BOD1L1: variants seen among roughly 807,000 people sequenced by gnomAD.
The protein encoded by BOD1L1 is biorientation of chromosomes in cell division 1 like 1.
A neutral mutation model predicts 240.7 loss-of-function variants in BOD1L1; 86 were observed. The observed-to-expected ratio is 0.36, with a 90% CI of 0.30 to 0.43. The LOEUF is 0.43. Among genes scored for constraint, BOD1L1 ranks in the 20% least tolerant of loss-of-function variants. BOD1L1 has a pLI of 1.00. For synonymous variants in BOD1L1, 1,268 were observed against 1,272.3 expected, an observed-to-expected ratio of 1.00 and a Z score of 0.07; for missense variants, 3,554 against 3,643.5, an observed-to-expected ratio of 0.98 and a Z score of 0.63.
At chr4:13,616,822 C>A (rs1716637431) in intron 2 of BOD1L1, among the ~76,000 whole-genome samples, 1 of 151,896 alleles carries the variant, frequency 6.6e-6, no homozygotes, top group African/African-American at 2.4e-5. Flanking sequence ...AGGTTACCTG[C>A]TTTTTAAAGA....
Position 13,576,873 on chromosome 4 carries a change from G to C in BOD1L1, c.9003C>G (p.Ala3001=). The change falls in exon 25 of 26, where the codon GCC becomes GCG. Residue 3001 remains alanine, a synonymous_variant. Transcript: ENST00000040738. ...CTGATCTGGTGGTGGATCTTGTGGTGGCTCCTGAAGGCTCGTCCTCTTCCT... is the reference window on the plus strand; with the variant it reads ...CTGATCTGGTGGTGGATCTTGTGGTCGCTCCTGAAGGCTCGTCCTCTTCCT... ...EEEEEDEPSG[A]TTRSTTRSEA... 2 of 1,613,990 alleles carry C rather than the reference G, an allele frequency of 1.2e-6. No individual in the cohort carries two copies. The highest frequency in any genetic ancestry group is 1.7e-6 in the Non-Finnish European group (2 of 1,179,876).
chr4:13,614,204 G>T lies in BOD1L1; in HGVS notation c.1166C>A (p.Thr389Lys). The T allele has an allele frequency of 6.7e-7, 1 of 1,500,532 alleles. No individual in the cohort carries two copies. Among genetic ancestry groups the T allele is most frequent in the Non-Finnish European group, 8.9e-7 (1 of 1,129,256 alleles). 93.0% of individuals were successfully genotyped at this position (1,500,532 alleles called of 1,614,324 possible). The change falls in exon 4 of 26, where the codon ACA becomes AAA. Residue 389 changes from threonine (T) to lysine (K), a missense_variant. By Grantham distance (78) the Thr-to-Lys change is moderately conservative. Around this residue, in one of 2 missense-constraint regions of BOD1L1, gnomAD observed 3,393 missense variants for 3,427.1 expected, o/e 0.99. Coordinates refer to ENST00000040738, the MANE Select transcript of BOD1L1 (RefSeq NM_148894.3). Reference sequence around the variant, plus strand: ...TGCAAGTTTTTATATACCTTCTTTTGTCCCTTCAACAGTTTTAGCTTTATT... The same window carrying T: ...TGCAAGTTTTTATATACCTTCTTTTTTCCCTTCAACAGTTTTAGCTTTATT... ...NSNKAKTVEGTKEDFSLIDSD... is the reference protein window; with the variant it reads ...NSNKAKTVEGKKEDFSLIDSD...
At chr4:13,581,569 C>T (rs1713231899) in intron 19 of BOD1L1, among the ~76,000 whole-genome samples, 1 of 151,070 alleles carries the variant, frequency 6.6e-6, no homozygotes, top group African/African-American at 2.4e-5. Flanking sequence ...ATAAAGGGGT[C>T]CACTGAATAT....
intron 22 of BOD1L1, among the ~76,000 whole-genome samples, chr4:13,579,327 CA>C (rs1213175192): frequency 5.9e-5 from 9 of 152,034 alleles, no homozygotes; most frequent in African/African-American, 1.7e-4. Context: ...CTTCCTCTTT[CA>C]AAAAATAAAT....
At chr4:13,598,495 G>A (rs1443452903) in intron 10 of BOD1L1, among the ~76,000 whole-genome samples, 1 of 152,060 alleles carries the variant, frequency 6.6e-6, no homozygotes, top group African/African-American at 2.4e-5. Context: ...GTCACCCGAG[G>A]ACCATGAATG....
intron 17 of BOD1L1, among the ~76,000 whole-genome samples, chr4:13,584,180 C>T (rs1358585346): frequency 2.0e-5 from 3 of 152,140 alleles, no homozygotes; most frequent in Admixed American, 6.5e-5. Context: ...GATGGCTTGT[C>T]GTACATCCAA....
chr4:13,569,846 T>C lies in BOD1L1; in HGVS notation c.*165A>G. 1 of 419,820 alleles carries C rather than the reference T, an allele frequency of 2.4e-6. No homozygotes were observed. Among genetic ancestry groups the C allele is most frequent in the Non-Finnish European group, 4.2e-6 (1 of 237,454 alleles). The allele number at this position is 419,820 out of a possible 1,614,324, so 26.0% of individuals were successfully genotyped here. A position where few individuals can be genotyped will look rare whatever the true frequency, so the allele number is the denominator to read the frequency against. ...TGTACATAATATCTTCTATGAACAA[T>C]AGTTTATAAAGCTGTTTAAAACATA... On this transcript the variant is annotated 3_prime_UTR_variant, in exon 26 of 26. Coordinates refer to ENST00000040738, the MANE Select transcript of BOD1L1 (RefSeq NM_148894.3).
rs1230475258 is a variant in BOD1L1 at position 13,579,955 on chromosome 4, T to C, written c.8722A>G (p.Ser2908Gly). The change falls in exon 22 of 26, where the codon AGC becomes GGC. Residue 2908 changes from serine to glycine, a missense_variant. Physicochemically the swap from Ser to Gly is moderately conservative, Grantham distance 56. Coordinates refer to ENST00000040738, the MANE Select transcript of BOD1L1 (RefSeq NM_148894.3). ...GIVTVEQSPSSSKLKVMQTDE... is the reference protein window; with the variant it reads ...GIVTVEQSPSGSKLKVMQTDE... ...GTTTGCATTACTTTCAGTTTGCTGC[T>C]AGATGGAGATTGTTCTACCTATGTT... The C allele has an allele frequency of 3.8e-6, 6 of 1,559,700 alleles. No individual in the cohort carries two copies. The highest frequency in any genetic ancestry group is 1.2e-5 in the South Asian group (1 of 84,518).
intron 19 of BOD1L1, among the ~76,000 whole-genome samples, 178 bp downstream of exon 19, chr4:13,582,059 A>C (rs1713276286): frequency 6.6e-6 from 1 of 152,204 alleles, no homozygotes; most frequent in African/African-American, 2.4e-5. Flanking sequence ...GAAGAGAAAA[A>C]AATTAATCAA....
Position 13,602,308 on chromosome 4 carries a change from C to T in BOD1L1, c.4592G>A (p.Ser1531Asn). Reference protein sequence around the residue: ...TEGKDKDVTLSPVKAGPATTT... With the variant: ...TEGKDKDVTLNPVKAGPATTT... ...TGTGGCAGGCCCAGCCTTCACTGGA[C>T]TTAAGGTGACATCTTTGTCCTTCCC... The change falls in exon 10 of 26, where the codon AGT becomes AAT. Residue 1531 changes from serine (S) to asparagine (N), a missense_variant. Around this residue, in one of 2 missense-constraint regions of BOD1L1, gnomAD observed 3,393 missense variants for 3,427.1 expected, o/e 0.99. Transcript: ENST00000040738. The T allele has an allele frequency of 2.5e-6, 4 of 1,613,928 alleles. No individual in the cohort carries two copies. Among genetic ancestry groups the T allele is most frequent in the East Asian group, 2.2e-5 (1 of 44,874 alleles).
chr4:13,619,007 T>C (rs1053553455), intron 2 of BOD1L1, among the ~76,000 whole-genome samples: 1 of 152,090 alleles, frequency 6.6e-6, no homozygotes, highest in African/African-American at 2.4e-5. Context: ...GGCTTTCTTG[T>C]CTTTGCAAAT....
intron 25 of BOD1L1, among the ~76,000 whole-genome samples, chr4:13,575,022 C>T (rs1374068240): frequency 2.6e-5 from 4 of 151,610 alleles, no homozygotes; most frequent in Admixed American, 2.0e-4. Flanking sequence ...CGAGTTCAAG[C>T]GATTCTCCTG....
intron 24 of BOD1L1, among the ~76,000 whole-genome samples, 160 bp downstream of exon 24, chr4:13,577,243 G>A (rs531675917): frequency 3.3e-5 from 5 of 151,974 alleles, no homozygotes; most frequent in Non-Finnish European, 7.4e-5. Flanking sequence ...AAAGCATCTG[G>A]GATGTACCAT....
chr4:13,621,866 CTTTT>C (rs144306218), intron 1 of BOD1L1, among the ~76,000 whole-genome samples: 21 of 108,934 alleles, frequency 1.9e-4, no homozygotes, highest in East Asian at 2.7e-4. Context: ...AAAATTAATT[CTTTT>C]TTTTTTTTTT....
At chr4:13,572,000 T>G (rs1712247419) in intron 25 of BOD1L1, among the ~76,000 whole-genome samples, 1 of 152,172 alleles carries the variant, frequency 6.6e-6, no homozygotes. Flanking sequence ...TTGTGTACAG[T>G]GAAGAGTCTT....
At chr4:13,623,826 T>C (rs1717202693) in intron 1 of BOD1L1, 1 of 152,186 alleles carries the variant, frequency 6.6e-6, no homozygotes. Flanking sequence ...TAACTCTATA[T>C]GCTACAAGTT....
chr4:13,577,653 T>C, intron 22 of BOD1L1, 22 bp from the exon 23 acceptor site: 1 of 1,509,292 alleles, frequency 6.6e-7, no homozygotes, highest in African/African-American at 1.4e-5. Context: ...GGGAAATCTC[T>C]GCATTAATAT....
intron 14 of BOD1L1, among the ~76,000 whole-genome samples, chr4:13,589,694 CTG>C (rs1176137112): frequency 6.6e-6 from 1 of 152,152 alleles, no homozygotes; most frequent in African/African-American, 2.4e-5. Context: ...TCCACCATAA[CTG>C]TTAACATTTT....
At chr4:13,610,733 G>T (rs745431450) in intron 6 of BOD1L1, among the ~76,000 whole-genome samples, 7 of 152,102 alleles carry the variant, frequency 4.6e-5, no homozygotes, top group Non-Finnish European at 7.4e-5. Flanking sequence ...TCGGATAAGG[G>T]ATATTCACTT....
Sources: gnomAD v4.1 joint callset for allele counts (sites outside exome capture counted in the v4.1 genomes callset) on GRCh38, gnomAD v4.1.1 for gene constraint, gnomAD v4.1.1 regional missense constraint, MANE v1.5 for transcripts, NCBI Gene and HGNC (gene_info 2026-07-23, HGNC 2026-07-21) for gene names.